WDFY2: variants seen among roughly 807,000 people sequenced by gnomAD.
The protein encoded by WDFY2 is WD repeat and FYVE domain-containing protein 2.
WDFY2 carries 36 observed loss-of-function variants against 56.4 expected under a neutral mutation model. The observed-to-expected ratio is 0.64, with a 90% confidence interval of 0.49 to 0.84. The LOEUF (loss-of-function observed/expected upper bound fraction) is 0.84, where lower values mean the gene tolerates loss of function less well. WDFY2 is among the 40% of genes least tolerant of loss of function. The probability of loss-of-function intolerance (pLI) is 0.00; values close to 1 mark genes in which losing one functional copy is unlikely to be tolerated. For synonymous variants in WDFY2, 176 were observed against 183.7 expected (o/e 0.96, Z 0.34); for missense variants, 444 against 512.2 (o/e 0.87, Z 1.29).
chr13:51,629,968 G>A (rs940986572), intron 1 of WDFY2, among the ~76,000 whole-genome samples: 8 of 151,722 alleles, frequency 5.3e-5, no homozygotes, highest in African/African-American at 1.9e-4. Flanking sequence ...ACATTAATAT[G>A]TTTCCTAACT....
chr13:51,703,744 C>A, intron 4 of WDFY2, 94 bp downstream of exon 4: 2 of 1,081,610 alleles, frequency 1.8e-6, no homozygotes, highest in Non-Finnish European at 2.7e-6. Context: ...TTACAATCAT[C>A]AGGGAAACAA....
rs116010100 is a variant in WDFY2 at position 51,677,125 on chromosome 13, A to G, written c.279+1882A>G. Among the ~76,000 whole-genome samples the G allele has an allele frequency of 8.5e-3, 1,294 of 152,330 alleles. 15 individuals carry two copies. The highest frequency in any genetic ancestry group is 0.029 in the African/African-American group (1,221 of 41,570). On this transcript the variant is annotated intron_variant, in intron 3 of 11. Transcript: ENST00000298125. ...TATAAGAGGCGAAACCATCTTAGCCATTATTCTTTTAGTAAATAAAACTGC... is the reference window on the plus strand; with the variant it reads ...TATAAGAGGCGAAACCATCTTAGCCGTTATTCTTTTAGTAAATAAAACTGC...
At chr13:51,590,092 TG>T (rs1954016013) in intron 1 of WDFY2, 4 of 152,218 alleles carry the variant, frequency 2.6e-5, no homozygotes. Flanking sequence ...CTGAATTTCC[TG>T]TTTTTATATT....
chr13:51,668,100 C>T (rs1955745345), intron 2 of WDFY2, among the ~76,000 whole-genome samples: 1 of 151,732 alleles, frequency 6.6e-6, no homozygotes, highest in Admixed American at 6.6e-5. Context: ...ACTGTGGTCT[C>T]GATCTCCTGA....
intron 3 of WDFY2, among the ~76,000 whole-genome samples, chr13:51,694,243 T>G (rs1349999263): frequency 6.6e-6 from 1 of 152,220 alleles, no homozygotes; most frequent in Non-Finnish European, 1.5e-5. Flanking sequence ...TAGCTGGTTA[T>G]TTTGCCCGTT....
At chr13:51,673,984 G>A (rs913619235) in intron 2 of WDFY2, among the ~76,000 whole-genome samples, 1 of 152,108 alleles carries the variant, frequency 6.6e-6, no homozygotes, top group Non-Finnish European at 1.5e-5. Context: ...CTTTTATAAA[G>A]AATGAAAAAT....
intron 3 of WDFY2, among the ~76,000 whole-genome samples, chr13:51,702,998 A>G (rs1030606159): frequency 4.2e-4 from 64 of 152,194 alleles, no homozygotes; most frequent in Non-Finnish European, 1.8e-4. Flanking sequence ...TGCGCGATAC[A>G]GAAACTGATT....
At chr13:51,758,606 A>C (rs546128746) in intron 11 of WDFY2, among the ~76,000 whole-genome samples, 1 of 151,934 alleles carries the variant, frequency 6.6e-6, no homozygotes, top group East Asian at 1.9e-4. Flanking sequence ...TTGAGAACCT[A>C]TTACAAACCT....
chr13:51,653,193 G>C (rs548906400), intron 1 of WDFY2, among the ~76,000 whole-genome samples: 1 of 152,026 alleles, frequency 6.6e-6, no homozygotes, highest in South Asian at 2.1e-4. Flanking sequence ...CCAGTTGATC[G>C]AATCGGCTAC....
rs1330885730 is a variant in WDFY2 at position 51,729,521 on chromosome 13, C to G, written c.598+1731C>G. Among the ~76,000 whole-genome samples, 3 of 150,308 alleles carry G rather than the reference C, an allele frequency of 2.0e-5. No homozygotes were observed. In the Admixed American group the frequency reaches 2.1e-4, roughly 10 times the overall value. ...CCTCTTCTCAGTGCAGGAGAGCTGCCTTCCTCCAGCCCATTCTTCTCTTCT... is the reference window on the plus strand; with the variant it reads ...CCTCTTCTCAGTGCAGGAGAGCTGCGTTCCTCCAGCCCATTCTTCTCTTCT... On this transcript the variant is annotated intron_variant, in intron 6 of 11. Coordinates refer to ENST00000298125, the MANE Select transcript of WDFY2 (RefSeq NM_052950.4).
At chr13:51,699,411 C>T (rs936704351) in intron 3 of WDFY2, among the ~76,000 whole-genome samples, 2 of 152,124 alleles carry the variant, frequency 1.3e-5, no homozygotes, top group African/African-American at 4.8e-5. Context: ...AATGCATCAC[C>T]GTCTTTCTCC....
intron 5 of WDFY2, among the ~76,000 whole-genome samples, chr13:51,726,357 C>T (rs560881419): frequency 2.6e-5 from 4 of 152,164 alleles, no homozygotes; most frequent in South Asian, 2.1e-4. Context: ...TATTGATAGA[C>T]GTTTGGGTTA....
intron 1 of WDFY2, among the ~76,000 whole-genome samples, chr13:51,626,139 AAATGAGGG>A (rs897500820): frequency 6.8e-5 from 10 of 147,636 alleles, no homozygotes; most frequent in African/African-American, 2.4e-4. Flanking sequence ...ATAAATGAGG[AAATGAGGG>A]AATGAGGCCC....
chr13:51,733,057 A>G (rs1055504323), intron 6 of WDFY2, among the ~76,000 whole-genome samples: 1 of 152,192 alleles, frequency 6.6e-6, no homozygotes, highest in African/African-American at 2.4e-5. Context: ...TTGTTTTGAG[A>G]CAGAGTCTTG....
chr13:51,613,734 A>G (rs533893459), intron 1 of WDFY2, among the ~76,000 whole-genome samples: 5 of 152,312 alleles, frequency 3.3e-5, no homozygotes, highest in African/African-American at 1.2e-4. Flanking sequence ...GTCACAGCTA[A>G]AACAAGCCAT....
At chr13:51,608,493 C>T (rs1593871119) in intron 1 of WDFY2, among the ~76,000 whole-genome samples, 1 of 152,162 alleles carries the variant, frequency 6.6e-6, no homozygotes, top group African/African-American at 2.4e-5. Context: ...ACCAGCCTGA[C>T]CAATATGGTG....
intron 8 of WDFY2, among the ~76,000 whole-genome samples, chr13:51,752,238 A>G (rs968686963): frequency 9.2e-5 from 14 of 152,210 alleles, no homozygotes; most frequent in Admixed American, 2.0e-4. Flanking sequence ...AAATGCCAGT[A>G]ATTATATGCT....
At chr13:51,633,020 G>C (rs1219774908) in intron 1 of WDFY2, among the ~76,000 whole-genome samples, 1 of 152,180 alleles carries the variant, frequency 6.6e-6, no homozygotes, top group Non-Finnish European at 1.5e-5. Context: ...AGTTTGTGTG[G>C]GGCAGGGTTG....
intron 11 of WDFY2, among the ~76,000 whole-genome samples, chr13:51,758,552 T>TAAAAAAAAAAAA (rs35383381): frequency 7.8e-6 from 1 of 127,722 alleles, no homozygotes; most frequent in Non-Finnish European, 1.7e-5. Flanking sequence ...CCTCATCTCT[T>TAAAAAAAAAAAA]AAAAAAAAAA....
Sources: gnomAD v4.1 joint callset for allele counts (sites outside exome capture counted in the v4.1 genomes callset) on GRCh38, gnomAD v4.1.1 for gene constraint, MANE v1.5 for transcripts, NCBI Gene and HGNC (gene_info 2026-07-23, HGNC 2026-07-21) for gene names.